UVRAG: variants seen among roughly 807,000 people sequenced by gnomAD.
The protein encoded by UVRAG is UV radiation resistance-associated gene protein.
UVRAG carries 19 observed loss-of-function variants against 78.0 expected under a neutral mutation model. The observed-to-expected ratio is 0.24, with a 90% CI of 0.17 to 0.36. UVRAG has a LOEUF of 0.36. UVRAG is among the 10% of genes least tolerant of loss of function. The pLI is 1.00. For missense variants in UVRAG, 740 were observed against 853.8 expected, an observed-to-expected ratio of 0.87 and a Z score of 1.66; for synonymous variants, 323 against 324.6, an observed-to-expected ratio of 1.00 and a Z score of 0.05.
At chr11:76,073,719 T>G (rs1279864470) in intron 13 of UVRAG, among the ~76,000 whole-genome samples, 1 of 152,206 alleles carries the variant, frequency 6.6e-6, no homozygotes, top group Non-Finnish European at 1.5e-5. Flanking sequence ...TAAAAGAGTA[T>G]GAAAACTTTA....
intron 5 of UVRAG, among the ~76,000 whole-genome samples, chr11:75,910,140 TTGTCTAATTAAG>T (rs1339845522): frequency 6.6e-6 from 1 of 152,244 alleles, no homozygotes; most frequent in Non-Finnish European, 1.5e-5. Flanking sequence ...TTCAAGGAAC[TTGTCTAATTAAG>T]TTGTCACAGT....
chr11:75,831,191 T>G (rs1421261104), intron 1 of UVRAG, among the ~76,000 whole-genome samples: 1 of 152,080 alleles, frequency 6.6e-6, no homozygotes, highest in Non-Finnish European at 1.5e-5. Flanking sequence ...CTGGAGGGAC[T>G]CATAATCTAG....
intron 1 of UVRAG, among the ~76,000 whole-genome samples, chr11:75,841,892 T>C (rs1945919314): frequency 6.6e-6 from 1 of 152,140 alleles, no homozygotes; most frequent in South Asian, 2.1e-4. Context: ...ATCATCATCA[T>C]TAATTTTGCT....
At chr11:75,978,362 C>A (rs1035103341) in intron 7 of UVRAG, among the ~76,000 whole-genome samples, 1 of 152,084 alleles carries the variant, frequency 6.6e-6, no homozygotes, top group African/African-American at 2.4e-5. Context: ...TTGCTCTTCT[C>A]GAGGAGTATC....
At chr11:76,074,807 G>A (rs1197133069) in intron 13 of UVRAG, among the ~76,000 whole-genome samples, 1 of 152,196 alleles carries the variant, frequency 6.6e-6, no homozygotes, top group African/African-American at 2.4e-5. Context: ...TTACAGAAGA[G>A]CCCCCTGAGA....
intron 1 of UVRAG, among the ~76,000 whole-genome samples, chr11:75,849,426 G>A (rs1349944886): frequency 2.0e-5 from 3 of 150,284 alleles, no homozygotes; most frequent in Non-Finnish European, 2.9e-5. Flanking sequence ...CCTGGGAGGC[G>A]GAGCTTGCAG....
intron 1 of UVRAG, among the ~76,000 whole-genome samples, chr11:75,846,771 A>G (rs1025061249): frequency 6.6e-6 from 1 of 151,312 alleles, no homozygotes; most frequent in Non-Finnish European, 1.5e-5. Flanking sequence ...TGCCAATACC[A>G]TCCTGCCTTG....
chr11:75,935,821 C>T (rs753468717), intron 6 of UVRAG, among the ~76,000 whole-genome samples: 1 of 152,116 alleles, frequency 6.6e-6, no homozygotes, highest in African/African-American at 2.4e-5. Context: ...CCATAGTATG[C>T]CCATGAAAAC....
intron 12 of UVRAG, among the ~76,000 whole-genome samples, chr11:76,017,255 G>C (rs773396619): frequency 5.3e-5 from 8 of 152,104 alleles, no homozygotes; most frequent in African/African-American, 9.7e-5. Context: ...GAGGATAAGT[G>C]TCATATGATC....
chr11:75,881,384 G>A (rs894576416), intron 4 of UVRAG, among the ~76,000 whole-genome samples: 10 of 152,166 alleles, frequency 6.6e-5, no homozygotes, highest in Non-Finnish European at 1.3e-4. Flanking sequence ...AGGAAGACTC[G>A]AAGCAGGGAG....
chr11:75,853,650 G>T (rs527954596), intron 2 of UVRAG, among the ~76,000 whole-genome samples: 1 of 151,866 alleles, frequency 6.6e-6, no homozygotes, highest in Non-Finnish European at 1.5e-5. Flanking sequence ...ACTGTGCCTG[G>T]CAATAATTTT....
intron 3 of UVRAG, among the ~76,000 whole-genome samples, chr11:75,873,639 AG>A (rs1358250912): frequency 6.6e-6 from 1 of 152,198 alleles, no homozygotes; most frequent in Non-Finnish European, 1.5e-5. Flanking sequence ...GCAAATTCAA[AG>A]GTCCCTTTTA....
At chr11:76,121,456 C>T (rs1952274678) in intron 14 of UVRAG, among the ~76,000 whole-genome samples, 1 of 152,226 alleles carries the variant, frequency 6.6e-6, no homozygotes, top group African/African-American at 2.4e-5. Context: ...TTACTATTGC[C>T]TGCATAGTGA....
At chr11:75,913,357 G>C (rs558815487) in intron 6 of UVRAG, among the ~76,000 whole-genome samples, 11 of 152,270 alleles carry the variant, frequency 7.2e-5, no homozygotes, top group Admixed American at 1.3e-4. Flanking sequence ...CAGGAGTAGC[G>C]AACACTGTGA....
chr11:76,077,585 A>C (rs1029770227), intron 13 of UVRAG, among the ~76,000 whole-genome samples: 4 of 152,222 alleles, frequency 2.6e-5, no homozygotes, highest in African/African-American at 9.7e-5. Context: ...TTTCACATAT[A>C]TTATTTCTTT....
chr11:76,083,082 G>A (rs951648840), intron 13 of UVRAG, among the ~76,000 whole-genome samples: 1 of 152,160 alleles, frequency 6.6e-6, no homozygotes. Context: ...AAATCTGCAT[G>A]TGTACCCCCT....
In UVRAG at chr11:76,049,248, A is replaced by G. The variant is rs1950818855; in HGVS notation, c.1227-16462A>G. On this transcript the variant is annotated intron_variant, in intron 12 of 14. Transcript: ENST00000356136. ...AATCTGACCCTGAGCATGACAGTGGATTTTTCAAAAACTTTCCAAATATTC... is the reference window on the plus strand; with the variant it reads ...AATCTGACCCTGAGCATGACAGTGGGTTTTTCAAAAACTTTCCAAATATTC... Among the ~76,000 whole-genome samples, 2 of 152,150 alleles carry G rather than the reference A, an allele frequency of 1.3e-5. 1 individual carries two copies. Among genetic ancestry groups the G allele is most frequent in the Non-Finnish European group, 2.9e-5 (2 of 68,018 alleles).
At chr11:76,033,710 C>A (rs1202818252) in intron 12 of UVRAG, among the ~76,000 whole-genome samples, 1 of 152,066 alleles carries the variant, frequency 6.6e-6, no homozygotes. Context: ...TACAGAAGAA[C>A]AAACCCTAGA....
At chr11:75,827,877 C>T (rs1357441804) in intron 1 of UVRAG, among the ~76,000 whole-genome samples, 1 of 151,926 alleles carries the variant, frequency 6.6e-6, no homozygotes, top group Middle Eastern at 3.2e-3. Context: ...AATAATCTTG[C>T]TTAGGATTTT....
Sources: gnomAD v4.1 joint callset for allele counts (sites outside exome capture counted in the v4.1 genomes callset) on GRCh38, gnomAD v4.1.1 for gene constraint, MANE v1.5 for transcripts, NCBI Gene and HGNC (gene_info 2026-07-23, HGNC 2026-07-21) for gene names.